Variants in COL23A1 observed in about 807,000 individuals in gnomAD.
COL23A1 encodes the protein collagen alpha-1(XXIII) chain.
Under a neutral mutation model 99.3 loss-of-function variants are expected in COL23A1, and 97 were observed. That is an observed-to-expected ratio of 0.98 (90% CI 0.83 to 1.16). The LOEUF (loss-of-function observed/expected upper bound fraction) is 1.16, where lower values mean the gene tolerates loss of function less well. COL23A1 is among the 50% of genes most tolerant of loss of function. COL23A1 has a pLI of 0.00. For synonymous variants in COL23A1, 320 were observed against 308.2 expected, an observed-to-expected ratio of 1.04 and a Z score of -0.40; for missense variants, 762 against 757.4, an observed-to-expected ratio of 1.01 and a Z score of -0.07.
chr5:178,348,999 G>A (rs1761146872), intron 2 of COL23A1, among the ~76,000 whole-genome samples: 1 of 152,040 alleles, frequency 6.6e-6, no homozygotes, highest in Non-Finnish European at 1.5e-5. Context: ...CATGTGCAAA[G>A]GTGCTCTGCT....
At chr5:178,554,078 C>G (rs965540152) in intron 2 of COL23A1, among the ~76,000 whole-genome samples, 1 of 152,174 alleles carries the variant, frequency 6.6e-6, no homozygotes, top group African/African-American at 2.4e-5. Context: ...GGTCACGGAG[C>G]CGGTGAGCAA....
chr5:178,357,832 A>T (rs1212784294), intron 2 of COL23A1, among the ~76,000 whole-genome samples: 1 of 138,850 alleles, frequency 7.2e-6, no homozygotes, highest in African/African-American at 2.8e-5. Flanking sequence ...GTTTATGTGT[A>T]TGTGTGTGTA....
At chr5:178,390,244 G>A (rs768606669) in intron 2 of COL23A1, among the ~76,000 whole-genome samples, 3 of 152,210 alleles carry the variant, frequency 2.0e-5, no homozygotes, top group Non-Finnish European at 4.4e-5. Context: ...GGGAGAGACC[G>A]GCTAACTTGC....
chr5:178,380,057 C>G (rs980756574), intron 2 of COL23A1, among the ~76,000 whole-genome samples: 1 of 152,156 alleles, frequency 6.6e-6, no homozygotes, highest in Non-Finnish European at 1.5e-5. Context: ...ACCGATGCTG[C>G]CTCCAACATG....
At chr5:178,249,094 T>C (rs775301509) in intron 19 of COL23A1, 23 bp downstream of exon 19, 18 of 1,612,572 alleles carry the variant, frequency 1.1e-5, no homozygotes, top group Non-Finnish European at 1.4e-5. Flanking sequence ...AGGCGTAATG[T>C]GTGGCCCAAC....
In COL23A1 at chr5:178,238,846, A is replaced by G. The variant is rs1013699512; in HGVS notation, c.1621-146T>C. 1.1e-5 allele frequency: 13 copies of G among 1,149,672 alleles called. No individual in the cohort carries two copies. The African/African-American group carries it at 1.8e-4, about 16-fold the overall frequency. The allele number at this position is 1,149,672 out of a possible 1,614,324, so 71.2% of individuals were successfully genotyped here. A position where few individuals can be genotyped will look rare whatever the true frequency, so the allele number is the denominator to read the frequency against. On this transcript the variant is annotated intron_variant, in intron 28 of 28. Transcript: ENST00000390654. Reference sequence around the variant, plus strand: ...CCCTCTCAGTGGGCCAGTTGGGACAATATCCCAGGGGGCACTGATGGCTTT... The same window carrying G: ...CCCTCTCAGTGGGCCAGTTGGGACAGTATCCCAGGGGGCACTGATGGCTTT...
At chr5:178,400,933 C>T (rs561465166) in intron 2 of COL23A1, among the ~76,000 whole-genome samples, 6 of 152,322 alleles carry the variant, frequency 3.9e-5, no homozygotes, top group African/African-American at 7.2e-5. Flanking sequence ...CCACCGTGCC[C>T]GGCTATCTCC....
chr5:178,484,152 G>GA (rs1757484197), intron 2 of COL23A1, among the ~76,000 whole-genome samples: 3 of 151,982 alleles, frequency 2.0e-5, no homozygotes, highest in Non-Finnish European at 2.9e-5. Flanking sequence ...TCTTGAACTC[G>GA]ACCTCAGGTG....
At chr5:178,492,924 A>G (rs1758007418) in intron 2 of COL23A1, among the ~76,000 whole-genome samples, 2 of 152,134 alleles carry the variant, frequency 1.3e-5, no homozygotes, top group African/African-American at 4.8e-5. Flanking sequence ...TAATGACAGC[A>G]CTTACCTCAC....
intron 2 of COL23A1, among the ~76,000 whole-genome samples, chr5:178,506,944 C>T (rs629241): frequency 0.62 from 94,085 of 152,000 alleles, 29,447 homozygotes; most frequent in East Asian, 0.86. Context: ...TATACAGGAC[C>T]GTTTGTTTTC....
intron 12 of COL23A1, among the ~76,000 whole-genome samples, chr5:178,258,338 C>T (rs1765441904): frequency 6.9e-6 from 1 of 145,198 alleles, no homozygotes; most frequent in African/African-American, 2.5e-5. Flanking sequence ...TGAGGGACTG[C>T]AGGGAGGGCT....
chr5:178,472,050 G>A (rs1012808252), intron 2 of COL23A1, among the ~76,000 whole-genome samples: 4 of 152,180 alleles, frequency 2.6e-5, no homozygotes, highest in South Asian at 2.1e-4. Context: ...CCGGTGCTGT[G>A]GGAGCTCAAG....
chr5:178,391,013 G>A (rs1763935914), intron 2 of COL23A1, among the ~76,000 whole-genome samples: 1 of 152,234 alleles, frequency 6.6e-6, no homozygotes, highest in African/African-American at 2.4e-5. Flanking sequence ...GGCCTGTTAG[G>A]AACCGGGCCT....
chr5:178,518,019 T>C (rs894679402), intron 2 of COL23A1, among the ~76,000 whole-genome samples: 2 of 129,486 alleles, frequency 1.5e-5, no homozygotes, highest in African/African-American at 3.4e-5. Flanking sequence ...AGATCTCTGG[T>C]TTTCCTAGGC....
intron 3 of COL23A1, among the ~76,000 whole-genome samples, chr5:178,290,617 G>A (rs1465619812): frequency 1.3e-5 from 2 of 152,246 alleles, no homozygotes; most frequent in Non-Finnish European, 2.9e-5. Flanking sequence ...ATGCATGGGT[G>A]CATGCATTCA....
intron 27 of COL23A1, among the ~76,000 whole-genome samples, chr5:178,239,992 A>C (rs549293905): frequency 2.0e-5 from 3 of 151,986 alleles, no homozygotes; most frequent in Non-Finnish European, 4.4e-5. Flanking sequence ...TGGCTCCTGG[A>C]GGGTTTTAAG....
At chr5:178,300,490 T>C (rs7704172) in intron 3 of COL23A1, among the ~76,000 whole-genome samples, 101,112 of 151,948 alleles carry the variant, frequency 0.67, 34,324 homozygotes, top group Non-Finnish European at 0.71. Context: ...GAGAAACCAG[T>C]TGTTAATATT....
Position 178,245,931 on chromosome 5 carries a change from A to G in COL23A1, c.1440+11T>C. ...GCACCCAATTACTCAAAGTGATGAT[A>G]AGACACTTACATCTAGTCCTGGCTC... On this transcript the variant is annotated intron_variant, in intron 25 of 28. Transcript: ENST00000390654. 1.2e-6 allele frequency: 2 copies of G among 1,614,106 alleles called. No individual in the cohort carries two copies. The highest frequency in any genetic ancestry group is 1.6e-4 in the Middle Eastern group (1 of 6,062).
At chr5:178,546,884 G>A (rs1216872187) in intron 2 of COL23A1, among the ~76,000 whole-genome samples, 7 of 152,126 alleles carry the variant, frequency 4.6e-5, no homozygotes, top group South Asian at 4.1e-4. Flanking sequence ...AGGGGCACCC[G>A]AGCTGTGGGG....
Sources: allele counts gnomAD v4.1 joint callset (sites outside exome capture counted in the v4.1 genomes callset), GRCh38; gene constraint gnomAD v4.1.1; transcripts MANE v1.5; gene names NCBI Gene and HGNC (gene_info 2026-07-23, HGNC 2026-07-21).